Variants in CHODL observed in about 807,000 individuals in gnomAD.
The protein encoded by CHODL is chondrolectin.
Under a neutral mutation model 34.5 loss-of-function variants are expected in CHODL, and 29 were observed. The observed-to-expected ratio is 0.84, with a 90% CI of 0.63 to 1.15. CHODL has a LOEUF of 1.15. CHODL is among the 50% of genes most tolerant of loss of function. The pLI is 0.00. For missense variants in CHODL, 332 were observed against 332.5 expected (o/e 1.00, Z 0.01); for synonymous variants, 125 against 116.1 (o/e 1.08, Z -0.49).
chr21:18,222,252 T>TTATA (rs2073891556), intron 2 of CHODL, among the ~76,000 whole-genome samples: 3 of 152,144 alleles, frequency 2.0e-5, no homozygotes, highest in Non-Finnish European at 4.4e-5. Flanking sequence ...TATAGGGTAC[T>TTATA]GCGTGGGCTC....
At chr21:18,228,848 C>A (rs1371773771) in intron 2 of CHODL, among the ~76,000 whole-genome samples, 1 of 152,066 alleles carries the variant, frequency 6.6e-6, no homozygotes, top group Non-Finnish European at 1.5e-5. Flanking sequence ...ATAACGAGAG[C>A]CCTACTAAAT....
At chr21:17,974,104 A>C (rs1455249997) in intron 1 of CHODL, among the ~76,000 whole-genome samples, 1 of 152,166 alleles carries the variant, frequency 6.6e-6, no homozygotes, top group Non-Finnish European at 1.5e-5. Flanking sequence ...TTGTCTTACA[A>C]TGGGGATTTT....
intron 2 of CHODL, among the ~76,000 whole-genome samples, chr21:18,075,442 T>C (rs1037817218): frequency 3.3e-5 from 5 of 152,180 alleles, no homozygotes; most frequent in African/African-American, 7.2e-5. Context: ...GTGACCGTAA[T>C]TGAAACTATA....
intron 2 of CHODL, among the ~76,000 whole-genome samples, chr21:18,102,779 G>A (rs1008820919): frequency 6.6e-6 from 1 of 152,126 alleles, no homozygotes; most frequent in Non-Finnish European, 1.5e-5. Flanking sequence ...AATAATTTCT[G>A]AATTTCTCTG....
intron 2 of CHODL, among the ~76,000 whole-genome samples, chr21:18,185,705 T>A (rs1275310982): frequency 4.6e-5 from 7 of 152,180 alleles, no homozygotes; most frequent in Non-Finnish European, 7.4e-5. Context: ...ACAGACTGGA[T>A]ACCTTGTAAA....
chr21:18,245,885 T>G (rs1224857349), intron 1 of CHODL: 2 of 1,534,510 alleles, frequency 1.3e-6, no homozygotes, highest in Non-Finnish European at 1.7e-6. Context: ...GCACACTGCG[T>G]TCCAAGTTGG....
At chr21:18,205,285 T>C (rs1218723043) in intron 2 of CHODL, among the ~76,000 whole-genome samples, 2 of 152,228 alleles carry the variant, frequency 1.3e-5, no homozygotes, top group South Asian at 4.1e-4. Context: ...TTTCAGTTTT[T>C]ATCATGAAGG....
At chr21:18,200,941 A>G (rs59963108) in intron 2 of CHODL, among the ~76,000 whole-genome samples, 25,674 of 152,040 alleles carry the variant, frequency 0.17, 2,778 homozygotes, top group African/African-American at 0.31. Flanking sequence ...AAGAAACAGG[A>G]AGGAATTATT....
At chr21:18,073,189 T>C (rs1395413183) in intron 2 of CHODL, among the ~76,000 whole-genome samples, 1 of 152,110 alleles carries the variant, frequency 6.6e-6, no homozygotes, top group African/African-American at 2.4e-5. Context: ...CTTTTTGAAA[T>C]AGACAAAACG....
chr21:18,247,742 G>A (rs1230051400), intron 1 of CHODL, among the ~76,000 whole-genome samples: 2 of 151,960 alleles, frequency 1.3e-5, no homozygotes, highest in Non-Finnish European at 2.9e-5. Flanking sequence ...ATGCTAATTT[G>A]GAAACTACCT....
At chr21:18,107,549 A>G (rs1027608743) in intron 2 of CHODL, among the ~76,000 whole-genome samples, 1 of 152,190 alleles carries the variant, frequency 6.6e-6, no homozygotes, top group African/African-American at 2.4e-5. Context: ...CGTCCTACCT[A>G]TGACTTACAT....
intron 2 of CHODL, among the ~76,000 whole-genome samples, chr21:18,210,953 A>G (rs1223991187): frequency 6.6e-6 from 1 of 152,088 alleles, no homozygotes. Flanking sequence ...ACCTCTCTGA[A>G]CCACCTCCTA....
Position 18,260,239 on chromosome 21 carries a change from CA to C in CHODL, c.590del (p.Asn197IlefsTer17). 2 of 1,580,904 alleles carry C rather than the reference CA, an allele frequency of 1.3e-6. No individual in the cohort carries two copies. Among genetic ancestry groups the C allele is most frequent in the Non-Finnish European group, 1.7e-6 (2 of 1,166,520 alleles). On this transcript the variant is annotated frameshift_variant, in exon 4 of 6. Coordinates refer to ENST00000299295, the MANE Select transcript of CHODL (RefSeq NM_024944.3). LOFTEE classifies it high-confidence loss of function. Reference sequence around the variant, plus strand: ...GCCCCTGTAGAAAAGCCTTATCTTACAAATCAACCAGGAGACACCCATCAGA... The same window carrying C: ...GCCCCTGTAGAAAAGCCTTATCTTACAATCAACCAGGAGACACCCATCAGA... Reference protein sequence around the residue: ...PTAPVEKPYLTNQPGDTHQNV... With the variant: ...PTAPVEKPYLXNQPGDTHQNV...
intron 2 of CHODL, among the ~76,000 whole-genome samples, chr21:18,220,504 T>C (rs1177709471): frequency 6.6e-6 from 1 of 152,192 alleles, no homozygotes; most frequent in Non-Finnish European, 1.5e-5. Context: ...CTTCCAATGA[T>C]GTTTATACTT....
intron 1 of CHODL, among the ~76,000 whole-genome samples, chr21:18,024,016 T>A (rs960949748): frequency 1.6e-4 from 24 of 152,236 alleles, no homozygotes; most frequent in African/African-American, 5.3e-4. Flanking sequence ...TTTTACAATG[T>A]ATTTGTTTAC....
intron 2 of CHODL, among the ~76,000 whole-genome samples, chr21:18,117,776 AGTT>A (rs2065431567): frequency 1.3e-5 from 2 of 152,054 alleles, no homozygotes; most frequent in Admixed American, 6.5e-5. Flanking sequence ...AAAGGGAGGT[AGTT>A]GTTATTTTAA....
At chr21:17,981,069 A>G (rs996130811) in intron 1 of CHODL, among the ~76,000 whole-genome samples, 23 of 152,226 alleles carry the variant, frequency 1.5e-4, no homozygotes, top group Admixed American at 2.6e-4. Flanking sequence ...CAGTTAATAA[A>G]TAGTGGTTAC....
At chr21:17,993,716 C>T (rs893136199) in intron 1 of CHODL, among the ~76,000 whole-genome samples, 4 of 152,142 alleles carry the variant, frequency 2.6e-5, no homozygotes, top group Admixed American at 6.5e-5. Flanking sequence ...GATTAATATT[C>T]CTTTGGGAAT....
intron 1 of CHODL, among the ~76,000 whole-genome samples, chr21:18,016,942 G>A (rs2064080521): frequency 6.6e-6 from 1 of 152,226 alleles, no homozygotes; most frequent in Non-Finnish European, 1.5e-5. Flanking sequence ...TGGGGCCTGC[G>A]GCCCCATTGT....
Sources: allele counts gnomAD v4.1 joint callset (sites outside exome capture counted in the v4.1 genomes callset), GRCh38; gene constraint gnomAD v4.1.1; transcripts MANE v1.5; gene names NCBI Gene and HGNC (gene_info 2026-07-23, HGNC 2026-07-21).